Variants in TNNI3K observed in about 807,000 individuals in gnomAD.
TNNI3K encodes TNNI3 interacting kinase, also known as serine/threonine-protein kinase TNNI3K.
A neutral mutation model predicts 114.5 loss-of-function variants in TNNI3K; 140 were observed. The ratio of observed to expected loss-of-function variants is 1.22; its 90% CI spans 1.07 to 1.41. The LOEUF (loss-of-function observed/expected upper bound fraction) is 1.41, where lower values mean the gene tolerates loss of function less well. Among genes scored for constraint, TNNI3K ranks in the 40% most tolerant of loss-of-function variants. The pLI is 0.00. For synonymous variants in TNNI3K, 347 were observed against 347.5 expected, an observed-to-expected ratio of 1.00 and a Z score of 0.02; for missense variants, 1,125 against 1,007.6, an observed-to-expected ratio of 1.12 and a Z score of -1.58.
At position 74,375,902 on chromosome 1, in the gene TNNI3K, GA is replaced by G. The variant is rs375779458; in HGVS notation, c.1772+5512del. ...AGGCACCGGGCAAGGAGAACCCACT[GA>G]AGGGTCACAACGATATTCTCATACA... On this transcript the variant is annotated intron_variant, in intron 17 of 24. Transcript: ENST00000326637. 613 of 240,790 alleles carry G rather than the reference GA, an allele frequency of 2.5e-3. 7 individuals carry two copies. The highest frequency in any genetic ancestry group is 0.013 in the African/African-American group (582 of 45,046). 14.9% of individuals were successfully genotyped at this position (240,790 alleles called of 1,614,324 possible). A position where few individuals can be genotyped will look rare whatever the true frequency, so the allele number is the denominator to read the frequency against.
chr1:74,471,964 TC>T, intron 21 of TNNI3K: 1 of 616,658 alleles, frequency 1.6e-6, no homozygotes, highest in South Asian at 2.0e-5. Flanking sequence ...TCCACAAGGA[TC>T]ATCATATTTT....
intron 19 of TNNI3K, among the ~76,000 whole-genome samples, chr1:74,437,451 G>A (rs1666187161): frequency 6.6e-6 from 1 of 152,024 alleles, no homozygotes; most frequent in African/African-American, 2.4e-5. Context: ...AATAAAAGCA[G>A]AGTAAATGAA....
At chr1:74,406,074 C>T (rs891305007) in intron 17 of TNNI3K, among the ~76,000 whole-genome samples, 1 of 152,192 alleles carries the variant, frequency 6.6e-6, no homozygotes, top group Non-Finnish European at 1.5e-5. Flanking sequence ...AGTTGATCTC[C>T]TATTGGGAGG....
chr1:74,542,107 G>A (rs1646733984), intron 24 of TNNI3K, among the ~76,000 whole-genome samples: 1 of 152,152 alleles, frequency 6.6e-6, no homozygotes, highest in African/African-American at 2.4e-5. Context: ...TCCACAATCT[G>A]ACACATCTGT....
chr1:74,388,913 C>G (rs2100563866), intron 17 of TNNI3K, among the ~76,000 whole-genome samples: 1 of 152,340 alleles, frequency 6.6e-6, no homozygotes, highest in East Asian at 1.9e-4. Context: ...GAACTTCTTG[C>G]TAGGAATTCT....
intron 23 of TNNI3K, among the ~76,000 whole-genome samples, chr1:74,505,850 G>A (rs1188280660): frequency 6.6e-6 from 1 of 152,174 alleles, no homozygotes; most frequent in Non-Finnish European, 1.5e-5. Flanking sequence ...ATTAATATTT[G>A]TGATATTAGC....
intron 17 of TNNI3K, among the ~76,000 whole-genome samples, chr1:74,376,287 A>G (rs1314257001): frequency 2.0e-5 from 3 of 152,012 alleles, no homozygotes; most frequent in Non-Finnish European, 4.4e-5. Flanking sequence ...AAAAAACACA[A>G]CAATTAAGTA....
Position 74,369,547 on chromosome 1 carries a change from AG to A in TNNI3K, c.1634del (p.Gly545ValfsTer20). 1 of 1,611,802 alleles carries A rather than the reference AG, an allele frequency of 6.2e-7. No individual in the cohort carries two copies. Among genetic ancestry groups the A allele is most frequent in the Non-Finnish European group, 8.5e-7 (1 of 1,178,758 alleles). Reference sequence around the variant, plus strand: ...TTGCCATTGTCACTCAATACATATCAGGGGGTTCTCTGTTCTCCCTCCTTCA... The same window carrying A: ...TTGCCATTGTCACTCAATACATATCAGGGGTTCTCTGTTCTCCCTCCTTCA... ...QFAIVTQYIS[G>X]GSLFSLLHEQ... On this transcript the variant is annotated frameshift_variant, in exon 16 of 25. Coordinates refer to ENST00000326637, the MANE Select transcript of TNNI3K (RefSeq NM_015978.3). LOFTEE classifies it high-confidence loss of function.
At chr1:74,492,609 G>A (rs1017195026) in intron 23 of TNNI3K, among the ~76,000 whole-genome samples, 2 of 152,108 alleles carry the variant, frequency 1.3e-5, no homozygotes, top group Non-Finnish European at 2.9e-5. Context: ...TTGAGGATCT[G>A]AGCAACAGAA....
chr1:74,539,529 C>G (rs538209189), intron 23 of TNNI3K, among the ~76,000 whole-genome samples: 1 of 151,962 alleles, frequency 6.6e-6, no homozygotes. Flanking sequence ...TTTACCAAAT[C>G]GGCAAAAGAG....
intron 4 of TNNI3K, among the ~76,000 whole-genome samples, chr1:74,269,536 C>T (rs1287341175): frequency 6.6e-6 from 1 of 151,702 alleles, no homozygotes; most frequent in East Asian, 1.9e-4. Context: ...CTGCGTAATA[C>T]AGAGGATGAT....
intron 4 of TNNI3K, among the ~76,000 whole-genome samples, chr1:74,261,752 T>A (rs907413828): frequency 1.3e-5 from 2 of 152,144 alleles, no homozygotes; most frequent in Non-Finnish European, 1.5e-5. Flanking sequence ...GAAGTAGCAT[T>A]TTGATTCATT....
intron 20 of TNNI3K, among the ~76,000 whole-genome samples, chr1:74,453,202 T>C (rs1667097918): frequency 1.3e-5 from 2 of 152,190 alleles, no homozygotes; most frequent in African/African-American, 4.8e-5. Flanking sequence ...GGGAGAATAT[T>C]ATTTAATAAA....
intron 24 of TNNI3K, among the ~76,000 whole-genome samples, chr1:74,543,062 CCCTTTTTTTT>C (rs1646745381): frequency 2.9e-5 from 3 of 104,616 alleles, no homozygotes; most frequent in Middle Eastern, 5.3e-3. Flanking sequence ...TTTTCTTTTT[CCCTTTTTTTT>C]TTTTTTTTTT....
intron 9 of TNNI3K, among the ~76,000 whole-genome samples, chr1:74,347,242 C>A (rs1415741437): frequency 3.4e-5 from 5 of 147,286 alleles, no homozygotes; most frequent in African/African-American, 1.3e-4. Flanking sequence ...TGAGTGAGAA[C>A]ATGCAGTGTT....
chr1:74,535,307 TA>T (rs1431482356), intron 23 of TNNI3K, among the ~76,000 whole-genome samples: 2 of 151,992 alleles, frequency 1.3e-5, no homozygotes, highest in African/African-American at 4.8e-5. Context: ...CCATCTCTAC[TA>T]AAAATACAAA....
intron 4 of TNNI3K, among the ~76,000 whole-genome samples, chr1:74,267,203 C>G (rs564228033): frequency 6.6e-6 from 1 of 152,028 alleles, no homozygotes; most frequent in African/African-American, 2.4e-5. Flanking sequence ...TAAATGAGAT[C>G]AAACTTAGAG....
chr1:74,393,261 G>A (rs946826411), intron 17 of TNNI3K, among the ~76,000 whole-genome samples: 1 of 128,212 alleles, frequency 7.8e-6, no homozygotes, highest in Non-Finnish European at 1.8e-5. Context: ...AGATAGGATG[G>A]AAAAGCATTC....
intron 11 of TNNI3K, among the ~76,000 whole-genome samples, chr1:74,361,035 G>A (rs1401239596): frequency 1.3e-5 from 2 of 152,002 alleles, no homozygotes; most frequent in Non-Finnish European, 2.9e-5. Context: ...CTGCTACATG[G>A]CATCTGGTGA....
Sources: allele counts gnomAD v4.1 joint callset (sites outside exome capture counted in the v4.1 genomes callset), GRCh38; gene constraint gnomAD v4.1.1; transcripts MANE v1.5; gene names NCBI Gene and HGNC (gene_info 2026-07-23, HGNC 2026-07-21).